Variants in DRC9 observed in about 807,000 individuals in gnomAD.
The protein encoded by DRC9 is dynein regulatory complex subunit 9.
At chr3:197,958,207 T>C in the DRC9 span, 3 of 152,298 alleles carry the variant, frequency 2.0e-5, no homozygotes, top group African/African-American at 7.2e-5. Context: ...ATCTGGTGCA[T>C]GCCAGGCACG....
the DRC9 span, among the ~76,000 whole-genome samples, chr3:197,942,363 A>G: frequency 7.2e-6 from 1 of 139,240 alleles, no homozygotes; most frequent in Non-Finnish European, 1.5e-5. Flanking sequence ...CAGCCTGGGC[A>G]ACAGAGCGAG....
chr3:197,916,902 C>CA, the DRC9 span, among the ~76,000 whole-genome samples: 1,708 of 150,990 alleles, frequency 0.011, 22 homozygotes, highest in Admixed American at 0.015. Context: ...AAAAATCACA[C>CA]AAAAAAATCT....
At chr3:197,889,146 C>T in the DRC9 span, 1 of 178,624 alleles carries the variant, frequency 5.6e-6, no homozygotes, top group Non-Finnish European at 1.2e-5. Context: ...CAGCTAATAA[C>T]ATCATATTGT....
the DRC9 span, among the ~76,000 whole-genome samples, chr3:197,930,005 C>A: frequency 6.6e-6 from 1 of 151,914 alleles, no homozygotes; most frequent in African/African-American, 2.4e-5. Flanking sequence ...AAAGACAATA[C>A]AAGAAACAGA....
the DRC9 span, chr3:197,938,417 TATTCTCAGCAGTC>T: frequency 1.4e-6 from 1 of 693,148 alleles, no homozygotes; most frequent in Non-Finnish European, 2.6e-6. Flanking sequence ...TAGCTAATTC[TATTCTCAGCAGTC>T]ATTTTGCATA....
At chr3:197,930,197 A>T in the DRC9 span, among the ~76,000 whole-genome samples, 1 of 151,154 alleles carries the variant, frequency 6.6e-6, no homozygotes, top group Non-Finnish European at 1.5e-5. Flanking sequence ...TCTACAAAAA[A>T]ATACATAAAA....
chr3:197,913,677 A>G, the DRC9 span: 2 of 641,552 alleles, frequency 3.1e-6, no homozygotes, highest in Non-Finnish European at 5.5e-6. Context: ...GAGGCGGGAG[A>G]TGGAGGCTAC....
the DRC9 span, among the ~76,000 whole-genome samples, chr3:197,927,321 G>C: frequency 1.3e-5 from 2 of 152,284 alleles, no homozygotes; most frequent in South Asian, 4.2e-4. Context: ...CCGCCTCCCG[G>C]GTTCAAGCAA....
the DRC9 span, chr3:197,912,679 T>A: frequency 6.2e-7 from 1 of 1,613,626 alleles, no homozygotes; most frequent in South Asian, 1.1e-5. Context: ...ACCCACCTGC[T>A]GCTCCTTTCT....
chr3:197,938,316 T>C, the DRC9 span, among the ~76,000 whole-genome samples: 1 of 95,086 alleles, frequency 1.1e-5, no homozygotes, highest in Admixed American at 1.0e-4. Flanking sequence ...AAACTCCATC[T>C]CAAAAAAAAA....
At chr3:197,932,247 T>G in the DRC9 span, 1 of 1,613,244 alleles carries the variant, frequency 6.2e-7, no homozygotes, top group Non-Finnish European at 8.5e-7. Context: ...CTGTTGTAAG[T>G]GGCCGAATCT....
At chr3:197,922,230 C>T in the DRC9 span, among the ~76,000 whole-genome samples, 1 of 152,062 alleles carries the variant, frequency 6.6e-6, no homozygotes, top group South Asian at 2.1e-4. Context: ...TTTACTTTGG[C>T]TGAATGTAAT....
chr3:197,909,030 C>T, the DRC9 span, among the ~76,000 whole-genome samples: 1 of 152,252 alleles, frequency 6.6e-6, no homozygotes, highest in Admixed American at 6.5e-5. Flanking sequence ...GGGCAGGGTA[C>T]TTCCGCTGCC....
chr3:197,957,122 T>C, the DRC9 span: 1 of 152,220 alleles, frequency 6.6e-6, no homozygotes, highest in Non-Finnish European at 1.5e-5. Context: ...GTTGTGTTAT[T>C]TGGTCTTCCA....
the DRC9 span, among the ~76,000 whole-genome samples, chr3:197,946,279 C>CA: frequency 3.4e-3 from 522 of 151,346 alleles, 2 homozygotes; most frequent in African/African-American, 0.012. Flanking sequence ...ACTAAAAATA[C>CA]AAAAAATTAG....
chr3:197,940,680 C>T, the DRC9 span, among the ~76,000 whole-genome samples: 12 of 152,110 alleles, frequency 7.9e-5, no homozygotes, highest in Admixed American at 2.0e-4. Context: ...TACAGGGCAG[C>T]GGCATCTTCA....
At chr3:197,904,561 C>G in the DRC9 span, among the ~76,000 whole-genome samples, 1 of 152,056 alleles carries the variant, frequency 6.6e-6, no homozygotes, top group Non-Finnish European at 1.5e-5. Context: ...TACCAACAGA[C>G]GAACGGATAA....
the DRC9 span, among the ~76,000 whole-genome samples, chr3:197,935,239 G>A: frequency 1.3e-5 from 2 of 151,948 alleles, no homozygotes; most frequent in Non-Finnish European, 2.9e-5. Flanking sequence ...TCGGGAGTTC[G>A]AGATCAGCCT....
chr3:197,954,734 C>G, the DRC9 span, among the ~76,000 whole-genome samples: 1 of 152,156 alleles, frequency 6.6e-6, no homozygotes, highest in South Asian at 2.1e-4. Flanking sequence ...TCTTGAACTC[C>G]TGAGCCCAAG....
Sources: gnomAD v4.1 joint callset for allele counts (sites outside exome capture counted in the v4.1 genomes callset) on GRCh38, gnomAD v4.1.1 for gene constraint, MANE v1.5 for transcripts, NCBI Gene and HGNC (gene_info 2026-07-23, HGNC 2026-07-21) for gene names.